The following SBF2 variants were observed in gnomAD, a reference collection of about 807,000 sequenced individuals.
The protein encoded by SBF2 is myotubularin-related protein 13.
In SBF2, 112 loss-of-function variants were observed where a neutral mutation model predicts 225.2. That is an observed-to-expected ratio of 0.50 (90% CI 0.43 to 0.58). The LOEUF (loss-of-function observed/expected upper bound fraction) is 0.58, where lower values mean the gene tolerates loss of function less well. Among genes scored for constraint, SBF2 ranks in the 20% least tolerant of loss-of-function variants. The pLI is 0.00. For synonymous variants in SBF2, 763 were observed against 773.3 expected (o/e 0.99, Z 0.22); for missense variants, 1,996 against 2,206.2 (o/e 0.90, Z 1.91).
In SBF2 at chr11:9,842,709, G is replaced by T; in HGVS notation, c.3172C>A (p.Gln1058Lys). ...KRAGKMTIGRQYLLKKKTGTI... is the reference protein window; with the variant it reads ...KRAGKMTIGRKYLLKKKTGTI... The stretch of plus-strand genomic sequence containing the variant: ...CCTGTCTTCTTCTTCAGTAAATATT[G>T]CCGCCCAATTGTCATTTTCCCTGCC... The change falls in exon 25 of 40, where the codon CAA (glutamine) becomes AAA (lysine). Residue 1058 changes from glutamine to lysine, a missense_variant. Physicochemically the swap from Gln to Lys is moderately conservative, Grantham distance 53. Transcript: ENST00000256190. 1 of 1,613,852 alleles carries T rather than the reference G, an allele frequency of 6.2e-7. No individual in the cohort carries two copies. The highest frequency in any genetic ancestry group is 8.5e-7 in the Non-Finnish European group (1 of 1,179,904).
intron 16 of SBF2, among the ~76,000 whole-genome samples, chr11:9,934,473 T>A (rs1160638450): frequency 6.6e-6 from 1 of 152,208 alleles, no homozygotes; most frequent in African/African-American, 2.4e-5. Flanking sequence ...AACATCATCC[T>A]GATACCAAAG....
intron 28 of SBF2, among the ~76,000 whole-genome samples, chr11:9,826,552 G>GCTCT (rs764040585): frequency 3.3e-5 from 5 of 152,072 alleles, no homozygotes; most frequent in South Asian, 4.1e-4. Flanking sequence ...TCTAACCTCA[G>GCTCT]AGGATAGAGC....
chr11:9,819,440 G>A (rs935960884), intron 28 of SBF2: 43 of 152,180 alleles, frequency 2.8e-4, no homozygotes, highest in African/African-American at 9.6e-4. Flanking sequence ...AATAAAAGTA[G>A]AAGATTTAAT....
chr11:9,850,317 G>A (rs1036406762), intron 21 of SBF2, 99 bp from the exon 22 acceptor site: 38 of 1,083,890 alleles, frequency 3.5e-5, no homozygotes, highest in Non-Finnish European at 5.0e-5. Flanking sequence ...ATACAGTAGT[G>A]CAATCATAGT....
At chr11:9,828,585 A>T in intron 28 of SBF2, 3 of 985,410 alleles carry the variant, frequency 3.0e-6, no homozygotes, top group Non-Finnish European at 3.6e-6. Context: ...TGTCTAACAC[A>T]TTAGGGTTAC....
intron 2 of SBF2, among the ~76,000 whole-genome samples, chr11:10,173,453 A>G (rs971130329): frequency 1.3e-5 from 2 of 152,234 alleles, no homozygotes; most frequent in African/African-American, 4.8e-5. Flanking sequence ...CTTTTCCGAC[A>G]GGCTTAAAAA....
At chr11:10,101,749 G>C (rs1267134379) in intron 2 of SBF2, among the ~76,000 whole-genome samples, 1 of 151,732 alleles carries the variant, frequency 6.6e-6, no homozygotes, top group Non-Finnish European at 1.5e-5. Flanking sequence ...TAGAAAAAAA[G>C]GATTTGTGAG....
chr11:10,022,776 A>C (rs1354640605), intron 6 of SBF2, among the ~76,000 whole-genome samples: 2 of 152,148 alleles, frequency 1.3e-5, no homozygotes, highest in Admixed American at 1.3e-4. Flanking sequence ...ATCTCTTTCA[A>C]TCTCGAGGTT....
chr11:10,079,674 A>T (rs1951280519), intron 2 of SBF2, among the ~76,000 whole-genome samples: 1 of 152,214 alleles, frequency 6.6e-6, no homozygotes, highest in Non-Finnish European at 1.5e-5. Context: ...ATTTGAGGAA[A>T]TAATTATGGA....
chr11:9,828,336 T>G (rs1348324142), intron 28 of SBF2: 1 of 1,193,764 alleles, frequency 8.4e-7, no homozygotes, highest in Admixed American at 3.4e-5. Flanking sequence ...CATTGTACTT[T>G]TAAGTACCCA....
intron 2 of SBF2, among the ~76,000 whole-genome samples, chr11:10,158,667 A>C (rs1955584021): frequency 1.3e-5 from 2 of 152,182 alleles, no homozygotes; most frequent in Non-Finnish European, 2.9e-5. Flanking sequence ...AAGGAGACTG[A>C]ATCATACAGA....
intron 9 of SBF2, among the ~76,000 whole-genome samples, chr11:9,996,351 T>C (rs1947700108): frequency 6.6e-6 from 1 of 152,212 alleles, no homozygotes; most frequent in East Asian, 1.9e-4. Flanking sequence ...AGTTAATATT[T>C]TTCTTTAAAT....
intron 2 of SBF2, among the ~76,000 whole-genome samples, chr11:10,131,622 C>T (rs1954058275): frequency 6.6e-6 from 1 of 152,174 alleles, no homozygotes; most frequent in South Asian, 2.1e-4. Context: ...TTAGTAGAGA[C>T]AGGATTTCTC....
intron 2 of SBF2, among the ~76,000 whole-genome samples, chr11:10,129,088 G>C (rs887654041): frequency 7.8e-5 from 11 of 141,808 alleles, no homozygotes; most frequent in Middle Eastern, 3.4e-3. Context: ...TTATTTGCAC[G>C]CAATTTTCTC....
chr11:10,293,676 G>A (rs893668396), intron 1 of SBF2, among the ~76,000 whole-genome samples: 1 of 152,182 alleles, frequency 6.6e-6, no homozygotes, highest in African/African-American at 2.4e-5. Flanking sequence ...TCCCAGCCTT[G>A]CGGTCCTGGG....
chr11:10,221,047 C>G (rs1430943107), intron 1 of SBF2, among the ~76,000 whole-genome samples: 6 of 151,802 alleles, frequency 4.0e-5, no homozygotes, highest in African/African-American at 1.2e-4. Context: ...GTTTATACCT[C>G]TTATCATGGC....
chr11:9,834,673 C>G (rs2133942193), intron 26 of SBF2, among the ~76,000 whole-genome samples: 1 of 152,224 alleles, frequency 6.6e-6, no homozygotes, highest in East Asian at 1.9e-4. Context: ...GATGAAAAGA[C>G]CAAGCTATAG....
At chr11:9,967,971 C>CTCTCTCTCTCTCTCTATATA (rs1260685462) in intron 14 of SBF2, among the ~76,000 whole-genome samples, 5 of 91,506 alleles carry the variant, frequency 5.5e-5, no homozygotes, top group African/African-American at 7.6e-5. Flanking sequence ...CTCTCTCTCT[C>CTCTCTCTCTCTCTCTATATA]TATATATATA....
intron 2 of SBF2, among the ~76,000 whole-genome samples, chr11:10,057,250 G>A (rs1189917090): frequency 2.0e-5 from 3 of 152,100 alleles, no homozygotes; most frequent in African/African-American, 4.8e-5. Flanking sequence ...CTCCAGGCCT[G>A]AGCCTCCAGC....
Sources: gnomAD v4.1 joint callset for allele counts (sites outside exome capture counted in the v4.1 genomes callset) on GRCh38, gnomAD v4.1.1 for gene constraint, MANE v1.5 for transcripts, NCBI Gene and HGNC (gene_info 2026-07-23, HGNC 2026-07-21) for gene names.